The following SDK2 variants were observed in gnomAD, a reference collection of about 807,000 sequenced individuals.
SDK2 encodes the protein protein sidekick-2.
SDK2 carries 105 observed loss-of-function variants against 253.9 expected under a neutral mutation model. That is an observed-to-expected ratio of 0.41 (90% CI 0.35 to 0.49). The LOEUF is 0.49. SDK2 is among the 20% of genes least tolerant of loss of function. The probability of loss-of-function intolerance (pLI) is 0.06; values close to 1 mark genes in which losing one functional copy is unlikely to be tolerated. For synonymous variants in SDK2, 1,249 were observed against 1,234.9 expected (o/e 1.01, Z -0.24); for missense variants, 2,608 against 3,003.0 (o/e 0.87, Z 3.07).
chr17:73,376,766 A>AG (rs111843345), intron 36 of SDK2, among the ~76,000 whole-genome samples: 1 of 152,052 alleles, frequency 6.6e-6, no homozygotes, highest in Non-Finnish European at 1.5e-5. Context: ...GGCATATGCT[A>AG]GGGGGGCAAT....
chr17:73,402,085 A>G lies in SDK2; in HGVS notation c.2541T>C (p.Pro847=). ...EEEVTMVTAR[P]NFQDSIHVGF... ...CCACGTGGATGCTGTCTTGAAAGTT[A>G]GGCCGGGCGGTCACCATGGTAACCT... The change falls in exon 19 of 45, where the codon CCT becomes CCC. Residue 847 remains proline (P), a synonymous_variant. Coordinates refer to ENST00000392650, the MANE Select transcript of SDK2 (RefSeq NM_001144952.2). 1.2e-6 allele frequency: 2 copies of G among 1,614,060 alleles called. No individual in the cohort carries two copies. The highest frequency in any genetic ancestry group is 1.7e-6 in the Non-Finnish European group (2 of 1,179,896).
intron 21 of SDK2, among the ~76,000 whole-genome samples, chr17:73,399,975 G>A (rs933882816): frequency 6.6e-6 from 1 of 152,200 alleles, no homozygotes; most frequent in African/African-American, 2.4e-5. Context: ...GATTAAATGA[G>A]TCAACGTGAG....
At chr17:73,372,793 GTA>G (rs1422770662) in intron 36 of SDK2, among the ~76,000 whole-genome samples, 2 of 152,014 alleles carry the variant, frequency 1.3e-5, no homozygotes, top group African/African-American at 4.8e-5. Flanking sequence ...CCAAAAAACT[GTA>G]TGTGTTTAAG....
At chr17:73,384,875 T>C (rs1373190574) in intron 32 of SDK2, among the ~76,000 whole-genome samples, 3 of 152,208 alleles carry the variant, frequency 2.0e-5, no homozygotes, top group Non-Finnish European at 4.4e-5. Context: ...GCTCAGGCTT[T>C]GTTAGCTCCT....
intron 1 of SDK2, among the ~76,000 whole-genome samples, chr17:73,545,277 C>T (rs990661443): frequency 6.6e-6 from 1 of 152,166 alleles, no homozygotes; most frequent in Non-Finnish European, 1.5e-5. Flanking sequence ...CTGCTTCTTC[C>T]CCAGCTGCCG....
intron 4 of SDK2, among the ~76,000 whole-genome samples, chr17:73,454,345 A>T (rs1461332419): frequency 6.6e-6 from 1 of 152,248 alleles, no homozygotes; most frequent in Non-Finnish European, 1.5e-5. Flanking sequence ...CACTTTTCAC[A>T]TAATACAAGA....
chr17:73,510,552 T>C (rs1294328572), intron 1 of SDK2, among the ~76,000 whole-genome samples: 1 of 151,900 alleles, frequency 6.6e-6, no homozygotes, highest in Non-Finnish European at 1.5e-5. Context: ...TAGGCTGCAG[T>C]GCAGTAGCAT....
chr17:73,379,480 C>T lies in SDK2; in HGVS notation c.4832G>A (p.Ser1611Asn). 6.2e-7 allele frequency: 1 copy of T among 1,611,424 alleles called. No individual in the cohort carries two copies. Among genetic ancestry groups the T allele is most frequent in the Non-Finnish European group, 8.5e-7 (1 of 1,178,686 alleles). ...VYNAVGEGPS[S>N]PPQEVFVGEA... ...CCCAACAAAGACCTCCTGCGGGGGG[C>T]TGGAGGGCCCCTCACCCACAGCGTT... The change falls in exon 35 of 45, where the codon AGC becomes AAC. Residue 1611 changes from serine to asparagine, a missense_variant. Transcript: ENST00000392650. The surrounding 1 kb of genome is among the most constrained non-coding windows in gnomAD (Gnocchi z 4.5).
chr17:73,485,299 G>A (rs185948648), intron 2 of SDK2, among the ~76,000 whole-genome samples: 252 of 152,292 alleles, frequency 1.7e-3, no homozygotes, highest in Middle Eastern at 3.4e-3. Context: ...GGAAGAAAAG[G>A]AGGAGGTGCT....
intron 1 of SDK2, among the ~76,000 whole-genome samples, chr17:73,527,428 A>G (rs2064134543): frequency 6.6e-6 from 1 of 152,242 alleles, no homozygotes; most frequent in African/African-American, 2.4e-5. Flanking sequence ...CAGAGGGAAC[A>G]GCAGGGTAGG....
chr17:73,528,913 G>A (rs2064147435), intron 1 of SDK2, among the ~76,000 whole-genome samples: 1 of 152,152 alleles, frequency 6.6e-6, no homozygotes, highest in African/African-American at 2.4e-5. Flanking sequence ...GGAGCCAGGG[G>A]AGCAGGCCTC....
chr17:73,477,341 GC>G (rs2063693329), intron 2 of SDK2, among the ~76,000 whole-genome samples: 1 of 152,174 alleles, frequency 6.6e-6, no homozygotes, highest in African/African-American at 2.4e-5. Context: ...GGATTAAATG[GC>G]TCCTGGAGGA....
Position 73,361,920 on chromosome 17 carries a change from C to CCA in SDK2, c.5306-76_5306-75insTG. 6.9e-7 allele frequency: 1 copy of CCA among 1,439,212 alleles called. No individual in the cohort carries two copies. 89.2% of individuals were successfully genotyped at this position (1,439,212 alleles called of 1,614,324 possible). A position where few individuals can be genotyped will look rare whatever the true frequency, so the allele number is the denominator to read the frequency against. On this transcript the variant is annotated intron_variant, in intron 38 of 44. Coordinates refer to ENST00000392650, the MANE Select transcript of SDK2 (RefSeq NM_001144952.2). This position sits in a 1 kb window ranked among gnomAD's most constrained non-coding sequence, Gnocchi z 4.1. ...ACTGGAGGCCATGGGGAAGGGGAAG[C>CCA]GGCCGTGGCCTGGGCCCCGGGACCC...
intron 18 of SDK2, among the ~76,000 whole-genome samples, chr17:73,414,172 C>G (rs1001623160): frequency 1.3e-5 from 2 of 151,764 alleles, no homozygotes; most frequent in African/African-American, 4.8e-5. Context: ...CTCAGCCTCC[C>G]GAGTAGCTGG....
intron 40 of SDK2, chr17:73,357,841 C>T (rs2062604689): frequency 7.7e-6 from 5 of 647,940 alleles, no homozygotes; most frequent in Non-Finnish European, 1.4e-5. Context: ...CAAGCTGGTC[C>T]TCAGTTAGCA....
intron 1 of SDK2, chr17:73,519,864 G>A (rs1273985415): frequency 3.9e-5 from 6 of 152,208 alleles, no homozygotes; most frequent in Non-Finnish European, 7.3e-5. Context: ...CGCTGAGGAA[G>A]AACACACATT....
At chr17:73,412,251 C>CAT (rs2063145743) in intron 18 of SDK2, among the ~76,000 whole-genome samples, 1 of 148,714 alleles carries the variant, frequency 6.7e-6, no homozygotes, top group Non-Finnish European at 1.5e-5. Context: ...TATCCTGGAA[C>CAT]ATATACATAT....
At position 73,525,700 on chromosome 17, in the gene SDK2, G is replaced by A. The variant is rs559764606; in HGVS notation, c.65-18103C>T. On this transcript the variant is annotated intron_variant, in intron 1 of 44. Coordinates refer to ENST00000392650, the MANE Select transcript of SDK2 (RefSeq NM_001144952.2). Reference sequence around the variant, plus strand: ...GCAGGATCCCATCCCTATCCTAGAAGTAATTCCCTCCCTTTTGCACTGGCT... The same window carrying A: ...GCAGGATCCCATCCCTATCCTAGAAATAATTCCCTCCCTTTTGCACTGGCT... 8.5e-4 allele frequency among the ~76,000 whole-genome samples: 130 copies of A among 152,182 alleles called. 3 individuals are homozygous for A. Among genetic ancestry groups the A allele is most frequent in the Middle Eastern group, 6.8e-3 (2 of 294 alleles).
chr17:73,378,909 G>A (rs2062807073), intron 36 of SDK2, among the ~76,000 whole-genome samples: 1 of 152,168 alleles, frequency 6.6e-6, no homozygotes, highest in Non-Finnish European at 1.5e-5. Flanking sequence ...GCCTAGGGAT[G>A]GCTAGAGTTT....
Sources: gnomAD v4.1 joint callset for allele counts (sites outside exome capture counted in the v4.1 genomes callset) on GRCh38, gnomAD v4.1.1 for gene constraint, Gnocchi (gnomAD v3.1) non-coding constraint, MANE v1.5 for transcripts, NCBI Gene and HGNC (gene_info 2026-07-23, HGNC 2026-07-21) for gene names.